The following PCDH15 variants were observed in gnomAD, a reference collection of about 807,000 sequenced individuals.
The protein encoded by PCDH15 is protocadherin related 15, also known as protocadherin-15.
PCDH15 carries 129 observed loss-of-function variants against 178.5 expected under a neutral mutation model. That is an observed-to-expected ratio of 0.72 (90% CI 0.63 to 0.84). PCDH15 has a LOEUF of 0.84. Ranked by LOEUF, PCDH15 falls within the 40% of genes least tolerant of loss-of-function variation. The probability of loss-of-function intolerance (pLI) is 0.00; values close to 1 mark genes in which losing one functional copy is unlikely to be tolerated. For synonymous variants in PCDH15, 800 were observed against 732.0 expected (o/e 1.09, Z -1.50); for missense variants, 2,230 against 2,099.9 (o/e 1.06, Z -1.21).
At chr10:53,915,685 G>A (rs771116132) in intron 25 of PCDH15, among the ~76,000 whole-genome samples, 30 of 151,988 alleles carry the variant, frequency 2.0e-4, no homozygotes, top group Admixed American at 1.2e-3. Flanking sequence ...TCAGCCTCCC[G>A]AGTAGCTAGG....
chr10:54,066,934 A>T (rs1240743818), intron 17 of PCDH15, 49 bp from the exon 18 acceptor site: 24 of 1,592,190 alleles, frequency 1.5e-5, no homozygotes, highest in Non-Finnish European at 2.1e-5. Context: ...ATTTTTACTT[A>T]GAATTCATTT....
intron 2 of PCDH15, among the ~76,000 whole-genome samples, chr10:54,618,557 G>A (rs911715693): frequency 2.0e-5 from 3 of 152,048 alleles, no homozygotes; most frequent in African/African-American, 7.2e-5. Flanking sequence ...ACAAATGTGA[G>A]TTACTAGGAT....
intron 9 of PCDH15, among the ~76,000 whole-genome samples, chr10:54,228,950 TC>T (rs2053765137): frequency 6.6e-6 from 1 of 152,224 alleles, no homozygotes; most frequent in African/African-American, 2.4e-5. Context: ...CTGTTTGCTT[TC>T]AACACATTGC....
chr10:54,917,285 G>T (rs1402880527), intron 2 of PCDH15, among the ~76,000 whole-genome samples: 1 of 152,068 alleles, frequency 6.6e-6, no homozygotes, highest in East Asian at 1.9e-4. Flanking sequence ...AATAAGAAGA[G>T]CCCTAGAGGA....
intron 3 of PCDH15, among the ~76,000 whole-genome samples, chr10:54,466,165 A>G (rs7911709): frequency 2.5e-3 from 377 of 151,224 alleles, no homozygotes; most frequent in African/African-American, 8.6e-3. Context: ...TTGTTTCTTT[A>G]CTCTGTTGAT....
chr10:54,015,521 C>T (rs1462282303), intron 20 of PCDH15, among the ~76,000 whole-genome samples: 1 of 152,076 alleles, frequency 6.6e-6, no homozygotes, highest in African/African-American at 2.4e-5. Context: ...CTACGGTAAC[C>T]AAAACGGCAT....
At chr10:55,529,001 G>GT (rs1399091400) in intron 2 of PCDH15, among the ~76,000 whole-genome samples, 1 of 152,012 alleles carries the variant, frequency 6.6e-6, no homozygotes, top group Non-Finnish European at 1.5e-5. Context: ...TTTTTCATGT[G>GT]TTTTTTGGCT....
chr10:55,251,563 G>A (rs1321002832), intron 1 of PCDH15, among the ~76,000 whole-genome samples: 2 of 151,936 alleles, frequency 1.3e-5, no homozygotes, highest in African/African-American at 4.8e-5. Flanking sequence ...ATGTACCATC[G>A]TGTGTTTATT....
intron 2 of PCDH15, among the ~76,000 whole-genome samples, chr10:55,326,485 A>G (rs962662881): frequency 6.6e-6 from 1 of 152,140 alleles, no homozygotes; most frequent in Non-Finnish European, 1.5e-5. Flanking sequence ...ACAGGAAAAT[A>G]AAACCAAATA....
chr10:54,527,720 A>G (rs542727975), intron 3 of PCDH15, 92 bp downstream of exon 3: 1 of 1,043,152 alleles, frequency 9.6e-7, no homozygotes, highest in Admixed American at 2.5e-5. Context: ...TGAAACTTTC[A>G]TTTTAGTACC....
chr10:54,129,460 A>T (rs936229545), intron 15 of PCDH15, among the ~76,000 whole-genome samples: 5 of 152,222 alleles, frequency 3.3e-5, no homozygotes, highest in Non-Finnish European at 7.3e-5. Flanking sequence ...AGGGAAGTAG[A>T]AACGATGAAA....
At chr10:53,833,806 T>C (rs917081462) in intron 29 of PCDH15, among the ~76,000 whole-genome samples, 1 of 152,046 alleles carries the variant, frequency 6.6e-6, no homozygotes, top group Non-Finnish European at 1.5e-5. Flanking sequence ...ATCTCTTTTA[T>C]TATTTATATG....
intron 2 of PCDH15, among the ~76,000 whole-genome samples, chr10:54,624,911 G>A (rs1022358116): frequency 4.6e-5 from 7 of 152,140 alleles, no homozygotes; most frequent in African/African-American, 1.7e-4. Flanking sequence ...GACTCCCATT[G>A]ATTCTACATT....
chr10:53,941,992 T>C (rs1251762241), intron 23 of PCDH15, among the ~76,000 whole-genome samples: 1 of 152,240 alleles, frequency 6.6e-6, no homozygotes. Context: ...TGAAACCTTT[T>C]ACAAAAAATC....
chr10:53,898,036 G>A (rs1483914790), intron 26 of PCDH15, among the ~76,000 whole-genome samples: 49 of 134,280 alleles, frequency 3.6e-4, no homozygotes, highest in Non-Finnish European at 6.5e-4. Flanking sequence ...GCGTGATTTC[G>A]GCTCACTGCA....
At chr10:55,060,053 A>C (rs569129730) in intron 2 of PCDH15, among the ~76,000 whole-genome samples, 1 of 152,170 alleles carries the variant, frequency 6.6e-6, no homozygotes, top group African/African-American at 2.4e-5. Context: ...GTTCAGCTCT[A>C]CTGCAGATTG....
intron 2 of PCDH15, among the ~76,000 whole-genome samples, chr10:54,536,801 T>C (rs1190822428): frequency 6.6e-6 from 1 of 152,148 alleles, no homozygotes; most frequent in African/African-American, 2.4e-5. Flanking sequence ...TATAACTGCA[T>C]CCGTGTGGCT....
At chr10:54,950,273 C>T (rs1297122244) in intron 2 of PCDH15, among the ~76,000 whole-genome samples, 1 of 151,894 alleles carries the variant, frequency 6.6e-6, no homozygotes, top group African/African-American at 2.4e-5. Flanking sequence ...CAGCAGTAAA[C>T]AGAATTGAAA....
At position 55,564,396 on chromosome 10, in the gene PCDH15, TA is replaced by T. The variant is rs552142037; in HGVS notation, c.-156+63228del. Among the ~76,000 whole-genome samples the T allele has an allele frequency of 1.2e-4, 18 of 151,654 alleles. No individual in the cohort carries two copies. The South Asian group carries it at 3.7e-3, about 31-fold the overall frequency. ...AAGAAAATAATTATAGAATATACAT[TA>T]AAAAACGTATGAAAGGAATTTAAAT... On this transcript the variant is annotated intron_variant, in intron 2 of 5. Coordinates refer to the PCDH15 transcript ENST00000613346.
Sources: gnomAD v4.1 joint callset for allele counts (sites outside exome capture counted in the v4.1 genomes callset) on GRCh38, gnomAD v4.1.1 for gene constraint, MANE v1.5 for transcripts, NCBI Gene and HGNC (gene_info 2026-07-23, HGNC 2026-07-21) for gene names.